Variants in PRKCE observed in about 807,000 individuals in gnomAD.
The protein encoded by PRKCE is protein kinase C epsilon type.
A neutral mutation model predicts 85.4 loss-of-function variants in PRKCE; 16 were observed. That is an observed-to-expected ratio of 0.19 (90% CI 0.13 to 0.28). The LOEUF (loss-of-function observed/expected upper bound fraction) is 0.28. Ranked by LOEUF, PRKCE falls within the 10% of genes least tolerant of loss-of-function variation. The pLI is 1.00. For synonymous variants in PRKCE, 388 were observed against 371.5 expected, an observed-to-expected ratio of 1.04 and a Z score of -0.51; for missense variants, 573 against 975.2, an observed-to-expected ratio of 0.59 and a Z score of 5.49.
chr2:46,173,589 G>A (rs1340449992), intron 14 of PRKCE, among the ~76,000 whole-genome samples: 1 of 152,202 alleles, frequency 6.6e-6, no homozygotes, highest in African/African-American at 2.4e-5. Flanking sequence ...GCTCTGTCCT[G>A]GGCCCTCCCT....
chr2:45,692,013 CA>C (rs1406361920), intron 1 of PRKCE, among the ~76,000 whole-genome samples: 7 of 152,152 alleles, frequency 4.6e-5, no homozygotes, highest in African/African-American at 1.7e-4. Flanking sequence ...TAATAACAGT[CA>C]AGCTTCAGAG....
chr2:45,730,654 T>C (rs2104544186), intron 1 of PRKCE, among the ~76,000 whole-genome samples: 1 of 145,538 alleles, frequency 6.9e-6, no homozygotes, highest in Admixed American at 6.8e-5. Flanking sequence ...CAGACAGGGT[T>C]TCACCCCATT....
chr2:46,088,530 C>T (rs1019457493), intron 11 of PRKCE, among the ~76,000 whole-genome samples: 1 of 152,170 alleles, frequency 6.6e-6, no homozygotes, highest in Admixed American at 6.5e-5. Flanking sequence ...CTCAAAGGGC[C>T]ATTTCTTCTT....
chr2:45,744,414 TTTCTTTCTTTCTTTCTTTC>T (rs1440005616), intron 1 of PRKCE, among the ~76,000 whole-genome samples: 1 of 9,734 alleles, frequency 1.0e-4, no homozygotes, highest in Non-Finnish European at 3.1e-4. Context: ...TTTCTTTTCT[TTTCTTTCTTTCTTTCTTTC>T]TTTCTTTCTT....
intron 2 of PRKCE, among the ~76,000 whole-genome samples, chr2:45,919,670 C>T (rs1448429190): frequency 6.6e-6 from 1 of 152,240 alleles, no homozygotes; most frequent in East Asian, 1.9e-4. Flanking sequence ...GATCGTGGAT[C>T]ATTGTCATGA....
intron 2 of PRKCE, among the ~76,000 whole-genome samples, chr2:45,860,896 G>C (rs1458371159): frequency 6.6e-6 from 1 of 152,238 alleles, no homozygotes; most frequent in African/African-American, 2.4e-5. Context: ...CCTGGAGACA[G>C]AGATCAATGA....
intron 11 of PRKCE, among the ~76,000 whole-genome samples, chr2:46,092,826 G>T (rs543304420): frequency 2.8e-4 from 43 of 152,256 alleles, no homozygotes; most frequent in African/African-American, 1.0e-3. Context: ...TTAATCTCTG[G>T]AATCATATCC....
chr2:45,736,693 C>T (rs1682092288), intron 1 of PRKCE, among the ~76,000 whole-genome samples: 1 of 152,200 alleles, frequency 6.6e-6, no homozygotes, highest in Admixed American at 6.5e-5. Context: ...TTCTGGAGAA[C>T]AGGAAGGGCT....
intron 2 of PRKCE, among the ~76,000 whole-genome samples, chr2:45,930,964 T>C (rs1699002158): frequency 6.6e-6 from 1 of 152,230 alleles, no homozygotes; most frequent in South Asian, 2.1e-4. Context: ...GTGCTGCTGT[T>C]GGGCACATAA....
intron 10 of PRKCE, among the ~76,000 whole-genome samples, chr2:46,066,708 C>T (rs1171197675): frequency 2.6e-5 from 4 of 151,996 alleles, no homozygotes; most frequent in Middle Eastern, 3.2e-3. Flanking sequence ...ACTGGCTGAC[C>T]CTTGGTTATA....
intron 10 of PRKCE, among the ~76,000 whole-genome samples, chr2:46,050,749 C>G (rs527580262): frequency 9.9e-5 from 15 of 152,214 alleles, no homozygotes; most frequent in African/African-American, 3.6e-4. Context: ...TTTCTTTTTT[C>G]CCCCCCAGCC....
intron 12 of PRKCE, among the ~76,000 whole-genome samples, chr2:46,149,534 C>G (rs1676398682): frequency 6.6e-6 from 1 of 152,084 alleles, no homozygotes. Context: ...GAGTGGACAG[C>G]TCAGCATTTA....
At chr2:46,172,700 C>T (rs964734465) in intron 14 of PRKCE, among the ~76,000 whole-genome samples, 3 of 152,218 alleles carry the variant, frequency 2.0e-5, no homozygotes, top group African/African-American at 7.2e-5. Flanking sequence ...GGAGTGTTCT[C>T]AGCCATTTTT....
At chr2:46,074,464 A>G (rs1668376791) in intron 10 of PRKCE, among the ~76,000 whole-genome samples, 1 of 151,874 alleles carries the variant, frequency 6.6e-6, no homozygotes, top group African/African-American at 2.4e-5. Context: ...ACACGGATAG[A>G]AAAAACAGCA....
chr2:45,898,326 A>G (rs1457711401), intron 2 of PRKCE, among the ~76,000 whole-genome samples: 3 of 152,174 alleles, frequency 2.0e-5, no homozygotes. Flanking sequence ...ACATGAAATT[A>G]TGTTCAGTCT....
intron 11 of PRKCE, among the ~76,000 whole-genome samples, chr2:46,104,985 CCTTA>C (rs1671579146): frequency 6.6e-6 from 1 of 151,878 alleles, no homozygotes; most frequent in Non-Finnish European, 1.5e-5. Context: ...TGGTTCTCTT[CCTTA>C]CTAATAAATG....
At chr2:46,170,602 T>C (rs1182159523) in intron 14 of PRKCE, among the ~76,000 whole-genome samples, 1 of 152,238 alleles carries the variant, frequency 6.6e-6, no homozygotes, top group Non-Finnish European at 1.5e-5. Flanking sequence ...TCCCCAGATA[T>C]ACAGTGTTTT....
chr2:45,770,329 C>T (rs1685216261), intron 1 of PRKCE, among the ~76,000 whole-genome samples: 2 of 152,156 alleles, frequency 1.3e-5, no homozygotes, highest in Non-Finnish European at 2.9e-5. Context: ...ACAACACTGA[C>T]TGTGGCTTTT....
intron 5 of PRKCE, 23 bp from the exon 6 acceptor site, chr2:45,984,528 C>A (rs1439691999): frequency 6.3e-7 from 1 of 1,598,494 alleles, no homozygotes; most frequent in Admixed American, 1.7e-5. Context: ...CGGTGGTGAA[C>A]CTGTATCTTG....
Sources: allele counts gnomAD v4.1 joint callset (sites outside exome capture counted in the v4.1 genomes callset), GRCh38; gene constraint gnomAD v4.1.1; transcripts MANE v1.5; gene names NCBI Gene and HGNC (gene_info 2026-07-23, HGNC 2026-07-21).